PPP1R37: variants seen among roughly 807,000 people sequenced by gnomAD.
The protein encoded by PPP1R37 is protein phosphatase 1 regulatory subunit 37.
Under a neutral mutation model 61.0 loss-of-function variants are expected in PPP1R37, and 21 were observed. The ratio of observed to expected loss-of-function variants is 0.34; its 90% CI spans 0.24 to 0.50. The LOEUF (loss-of-function observed/expected upper bound fraction) is 0.50. Among genes scored for constraint, PPP1R37 ranks in the 20% least tolerant of loss-of-function variants. PPP1R37 has a pLI of 0.98. For synonymous variants in PPP1R37, 443 were observed against 433.5 expected (o/e 1.02, Z -0.27); for missense variants, 910 against 952.7 (o/e 0.96, Z 0.59).
intron 1 of PPP1R37, chr19:45,128,802 G>A (rs1477933142): frequency 3.2e-6 from 2 of 620,974 alleles, no homozygotes; most frequent in Non-Finnish European, 5.9e-6. Context: ...ACCTTATAAT[G>A]TGGGTGTCCC....
chr19:45,138,628 G>A lies in PPP1R37; in HGVS notation c.300+17G>A. The A allele has an allele frequency of 1.4e-6, 2 of 1,399,900 alleles. No homozygotes were observed. Among genetic ancestry groups the A allele is most frequent in the Non-Finnish European group, 2.0e-6 (2 of 1,023,938 alleles). The allele number at this position is 1,399,900 out of a possible 1,614,324, so 86.7% of individuals were successfully genotyped here. On this transcript the variant is annotated intron_variant, in intron 2 of 12. Coordinates refer to ENST00000221462, the MANE Select transcript of PPP1R37 (RefSeq NM_019121.2). Reference sequence around the variant, plus strand: ...CAGCTGCAGGTATGGGCGGGACAGGGTGGGTGCGTCCGGTGTGGGTGTCAA... The same window carrying A: ...CAGCTGCAGGTATGGGCGGGACAGGATGGGTGCGTCCGGTGTGGGTGTCAA...
intron 1 of PPP1R37, among the ~76,000 whole-genome samples, chr19:45,131,477 G>A (rs1016764849): frequency 6.6e-6 from 1 of 152,224 alleles, no homozygotes; most frequent in African/African-American, 2.4e-5. Flanking sequence ...CCACTTCCAG[G>A]CTCCATCCCT....
chr19:45,129,879 C>G (rs1294090018), intron 1 of PPP1R37, among the ~76,000 whole-genome samples: 1 of 152,216 alleles, frequency 6.6e-6, no homozygotes, highest in African/African-American at 2.4e-5. Flanking sequence ...AAAATCAAAC[C>G]TGAATAAAAC....
intron 1 of PPP1R37, among the ~76,000 whole-genome samples, chr19:45,129,851 C>T (rs568287738): frequency 4.1e-4 from 63 of 152,224 alleles, no homozygotes; most frequent in Non-Finnish European, 7.5e-4. Flanking sequence ...TGCGGTCTCT[C>T]TCCCCAACAC....
At chr19:45,124,848 G>A (rs1187557587) in intron 1 of PPP1R37, among the ~76,000 whole-genome samples, 1 of 151,424 alleles carries the variant, frequency 6.6e-6, no homozygotes, top group Non-Finnish European at 1.5e-5. Flanking sequence ...GGGTGTGCCT[G>A]TAGTCTCAGC....
chr19:45,097,329 G>A (rs1443368302), intron 1 of PPP1R37, among the ~76,000 whole-genome samples: 1 of 151,982 alleles, frequency 6.6e-6, no homozygotes, highest in Non-Finnish European at 1.5e-5. Context: ...AGGTCTGAAG[G>A]GGGGAGACTC....
In PPP1R37 at chr19:45,130,804, A is replaced by G. The variant is rs1243584949; in HGVS notation, c.203-7710A>G. Among the ~76,000 whole-genome samples the G allele has an allele frequency of 6.6e-6, 1 of 152,122 alleles. No individual in the cohort carries two copies. The highest frequency in any genetic ancestry group is 6.5e-5 in the Admixed American group (1 of 15,274). On this transcript the variant is annotated intron_variant, in intron 1 of 12. Transcript: ENST00000221462. The surrounding 1 kb of genome is among the most constrained non-coding windows in gnomAD (Gnocchi z 4.4). ...ATGTGGTGGACACTGGGGCATGGGA[A>G]GGTCATTTCCAGCCAGAGGTAGCAT...
At position 45,145,150 on chromosome 19, in the gene PPP1R37, C is replaced by G. The variant is rs1433530182; in HGVS notation, c.1186C>G (p.Leu396Val). Residue 396 changes from leucine to valine, a missense_variant, in exon 10 of 13, where the codon CTT becomes GTT. Coordinates refer to ENST00000221462, the MANE Select transcript of PPP1R37 (RefSeq NM_019121.2). ...AESPRLLRLDLRENEIKTGGL... is the reference protein window; with the variant it reads ...AESPRLLRLDVRENEIKTGGL... ...GAGCCCCCGCCTCCTGAGACTGGAC[C>G]TTCGGGAGAACGAGATCAAGACAGG... The G allele has an allele frequency of 5.2e-6, 8 of 1,535,036 alleles. No individual in the cohort carries two copies. The East Asian group carries it at 1.5e-4, about 28-fold the overall frequency.
chr19:45,116,911 CT>C (rs61317000), intron 1 of PPP1R37, among the ~76,000 whole-genome samples: 2,260 of 121,022 alleles, frequency 0.019, 40 homozygotes, highest in African/African-American at 0.053. Context: ...GAGGAGGTGA[CT>C]TTTTTTTTTT....
intron 1 of PPP1R37, among the ~76,000 whole-genome samples, chr19:45,112,038 G>C (rs1968208225): frequency 6.6e-6 from 1 of 150,722 alleles, no homozygotes; most frequent in Admixed American, 6.6e-5. Flanking sequence ...GCATAATCTT[G>C]GCTCACTACA....
rs142768064 is a variant in PPP1R37 at position 45,123,022 on chromosome 19, T to C, written c.203-15492T>C. 4.0e-3 allele frequency among the ~76,000 whole-genome samples: 612 copies of C among 152,318 alleles called. 2 individuals carry two copies. Among genetic ancestry groups the C allele is most frequent in the African/African-American group, 0.014 (593 of 41,546 alleles). On this transcript the variant is annotated intron_variant, in intron 1 of 12. Transcript: ENST00000221462. ...CTGCCAGAGACGCCTTTTGCATCTT[T>C]GTCATCTCTGAGACTTTTCCAGATG... is the stretch of plus-strand genomic sequence containing the variant.
At chr19:45,115,692 C>T (rs924157036) in intron 1 of PPP1R37, among the ~76,000 whole-genome samples, 14 of 152,090 alleles carry the variant, frequency 9.2e-5, no homozygotes, top group African/African-American at 2.2e-4. Context: ...TTAAAAGTTG[C>T]GGCCAGGCGC....
intron 1 of PPP1R37, among the ~76,000 whole-genome samples, chr19:45,103,500 G>A (rs1032493394): frequency 3.9e-5 from 6 of 152,174 alleles, no homozygotes; most frequent in African/African-American, 9.7e-5. Context: ...CTCTCTCCAC[G>A]GTCTCCGAGG....
At chr19:45,107,269 C>T (rs969887654) in intron 1 of PPP1R37, among the ~76,000 whole-genome samples, 16 of 151,688 alleles carry the variant, frequency 1.1e-4, no homozygotes, top group African/African-American at 4.8e-5. Context: ...GAAGAGTTCG[C>T]GACCAGCCTG....
chr19:45,119,834 G>A (rs967607267), intron 1 of PPP1R37, among the ~76,000 whole-genome samples: 28 of 152,058 alleles, frequency 1.8e-4, no homozygotes, highest in African/African-American at 3.1e-4. Context: ...CCAGCACCCC[G>A]CACAACCTTG....
chr19:45,095,702 G>T (rs1158120642), intron 1 of PPP1R37, among the ~76,000 whole-genome samples: 6 of 151,162 alleles, frequency 4.0e-5, no homozygotes, highest in African/African-American at 1.5e-4. Context: ...GGTCGATAGT[G>T]CAGTGAACTG....
At chr19:45,143,358 G>T (rs543965285) in intron 7 of PPP1R37, 163 bp from the exon 8 acceptor site, 1 of 561,392 alleles carries the variant, frequency 1.8e-6, no homozygotes, top group East Asian at 3.0e-5. Flanking sequence ...GGTCACAGAT[G>T]TGTGCCCAGG....
At chr19:45,144,144 G>A (rs935130708) in intron 8 of PPP1R37, 1 of 152,548 alleles carries the variant, frequency 6.6e-6, no homozygotes, top group Non-Finnish European at 1.5e-5. Flanking sequence ...CTCCCGAGTA[G>A]TTGGAACTAC....
chr19:45,133,545 C>G (rs1281606692), intron 1 of PPP1R37, among the ~76,000 whole-genome samples: 1 of 152,246 alleles, frequency 6.6e-6, no homozygotes, highest in African/African-American at 2.4e-5. Flanking sequence ...CTGCGCAGCC[C>G]TTCCCTTTGG....
Sources: gnomAD v4.1 joint callset for allele counts (sites outside exome capture counted in the v4.1 genomes callset) on GRCh38, gnomAD v4.1.1 for gene constraint, Gnocchi (gnomAD v3.1) non-coding constraint, MANE v1.5 for transcripts, NCBI Gene and HGNC (gene_info 2026-07-23, HGNC 2026-07-21) for gene names.